SCNN1B: variants seen among roughly 807,000 people sequenced by gnomAD.
SCNN1B encodes the protein epithelial sodium channel subunit beta.
Under a neutral mutation model 65.3 loss-of-function variants are expected in SCNN1B, and 46 were observed. The observed-to-expected ratio is 0.70, with a 90% CI of 0.56 to 0.90. The LOEUF (loss-of-function observed/expected upper bound fraction) is 0.90, where lower values mean the gene tolerates loss of function less well. Among genes scored for constraint, SCNN1B ranks in the 40% least tolerant of loss-of-function variants. The pLI is 0.00. For missense variants in SCNN1B, 751 were observed against 830.5 expected, an observed-to-expected ratio of 0.90 and a Z score of 1.18; for synonymous variants, 349 against 330.6, an observed-to-expected ratio of 1.06 and a Z score of -0.60.
intron 1 of SCNN1B, among the ~76,000 whole-genome samples, chr16:23,320,332 G>T (rs1055885308): frequency 1.3e-5 from 2 of 152,198 alleles, no homozygotes; most frequent in African/African-American, 2.4e-5. Flanking sequence ...AAGCTCTCGG[G>T]TGATGCTGTT....
intron 1 of SCNN1B, among the ~76,000 whole-genome samples, chr16:23,316,777 C>T (rs1181682549): frequency 6.7e-6 from 1 of 149,422 alleles, no homozygotes; most frequent in African/African-American, 2.4e-5. Context: ...CCATCACCAT[C>T]ATCAACACCA....
intron 8 of SCNN1B, among the ~76,000 whole-genome samples, chr16:23,376,704 G>A (rs1274564520): frequency 7.0e-6 from 1 of 143,308 alleles, no homozygotes; most frequent in Non-Finnish European, 1.5e-5. Flanking sequence ...GATGCCAGGA[G>A]TTCGAGACCA....
At chr16:23,300,190 A>G (rs1210487061), upstream of SCNN1B, among the ~76,000 whole-genome samples, 2 of 152,110 alleles carry the variant, frequency 1.3e-5, no homozygotes, top group African/African-American at 2.4e-5. Context: ...AGAGCCTGTC[A>G]GGGGGTGGAG....
At chr16:23,347,909 AAAAAAG>A (rs767103365) in intron 1 of SCNN1B, among the ~76,000 whole-genome samples, 1 of 152,222 alleles carries the variant, frequency 6.6e-6, no homozygotes, top group African/African-American at 2.4e-5. Flanking sequence ...ACCCTATCTG[AAAAAAG>A]AAAAAGAAAA....
At chr16:23,376,913 C>G (rs1038407537) in intron 8 of SCNN1B, among the ~76,000 whole-genome samples, 3 of 152,184 alleles carry the variant, frequency 2.0e-5, no homozygotes, top group African/African-American at 7.2e-5. Context: ...CCCTGTCCAC[C>G]AGGCAGGGAT....
chr16:23,380,042 CTGTT>C lies in SCNN1B; in HGVS notation c.1467-49_1467-46del, dbSNP rs1963006789. On this transcript the variant is annotated intron_variant, in intron 11 of 12. Coordinates refer to ENST00000343070, the MANE Select transcript of SCNN1B (RefSeq NM_000336.3). The surrounding 1 kb of genome is among the most constrained non-coding windows in gnomAD (Gnocchi z 5.4). ...TCTATGTGCGTGTGTGTGTGTCTGT[CTGTT>C]TGGAAGGGGGATACATTAGTCCCGG... The C allele has an allele frequency of 7.4e-7, 1 of 1,350,190 alleles. No homozygotes were observed. The highest frequency in any genetic ancestry group is 1.1e-6 in the Non-Finnish European group (1 of 939,584). The allele number at this position is 1,350,190 out of a possible 1,614,324, so 83.6% of individuals were successfully genotyped here. A position where few individuals can be genotyped will look rare whatever the true frequency, so the allele number is the denominator to read the frequency against.
At chr16:23,337,443 G>A (rs11861931) in intron 1 of SCNN1B, among the ~76,000 whole-genome samples, 14,448 of 144,622 alleles carry the variant, frequency 0.1, 776 homozygotes, top group Middle Eastern at 0.16. Flanking sequence ...GTATGATCTC[G>A]GCTCACTGCA....
chr16:23,355,216 C>A, intron 3 of SCNN1B, 83 bp from the exon 4 acceptor site: 1 of 1,402,184 alleles, frequency 7.1e-7, no homozygotes, highest in East Asian at 2.3e-5. Flanking sequence ...ACAGCTCTTG[C>A]CCTGCTAGGG....
At chr16:23,351,874 C>T (rs184914913) in intron 2 of SCNN1B, among the ~76,000 whole-genome samples, 16 of 151,038 alleles carry the variant, frequency 1.1e-4, no homozygotes, top group African/African-American at 2.2e-4. Context: ...GTTGCTCCCC[C>T]CTGGGAGGGA....
At chr16:23,344,062 G>A (rs1034304086) in intron 1 of SCNN1B, among the ~76,000 whole-genome samples, 3 of 152,204 alleles carry the variant, frequency 2.0e-5, no homozygotes, top group Non-Finnish European at 2.9e-5. Context: ...GCCTACCATT[G>A]TAACAACTTT....
chr16:23,347,484 A>G (rs1962214314), intron 1 of SCNN1B, among the ~76,000 whole-genome samples: 1 of 152,266 alleles, frequency 6.6e-6, no homozygotes, highest in Non-Finnish European at 1.5e-5. Flanking sequence ...CCATAGGCTA[A>G]TTGATATCAA....
At chr16:23,279,073 G>A (rs915969931) in intron 1 of SCNN1B, among the ~76,000 whole-genome samples, 4 of 138,446 alleles carry the variant, frequency 2.9e-5, no homozygotes, top group Admixed American at 6.8e-5. Context: ...TGTGTGTGTG[G>A]GGTGTGTGTG....
intron 8 of SCNN1B, 88 bp from the exon 9 acceptor site, chr16:23,377,077 A>C: frequency 8.5e-7 from 1 of 1,179,772 alleles, no homozygotes; most frequent in Non-Finnish European, 1.2e-6. Context: ...CCAGGAGAGC[A>C]GAGGGGCCAG....
At position 23,310,711 on chromosome 16, in the gene SCNN1B, A is replaced by G. The variant is rs571125166; in HGVS notation, c.-9+8274A>G. On this transcript the variant is annotated intron_variant, in intron 1 of 12. Coordinates refer to ENST00000343070, the MANE Select transcript of SCNN1B (RefSeq NM_000336.3). ...AGAAATGTGTTCTTGCAAATCAAAG[A>G]CCAAATACCCATCCAAAAAGTTAAA... 2.0e-5 allele frequency among the ~76,000 whole-genome samples: 3 copies of G among 152,346 alleles called. No individual in the cohort carries two copies. In the East Asian group the frequency reaches 5.8e-4, roughly 29 times the overall value.
At chr16:23,349,079 T>C (rs535341841) in intron 2 of SCNN1B, among the ~76,000 whole-genome samples, 169 bp downstream of exon 2, 14 of 152,166 alleles carry the variant, frequency 9.2e-5, no homozygotes, top group Admixed American at 7.9e-4. Context: ...TTTTCCTTCC[T>C]TCTTCTTCCC....
At chr16:23,297,941 C>T (rs896499527), upstream of SCNN1B, among the ~76,000 whole-genome samples, 10 of 152,110 alleles carry the variant, frequency 6.6e-5, no homozygotes, top group Non-Finnish European at 1.5e-5. Flanking sequence ...AGAATATTCA[C>T]CTTGTCTTCT....
chr16:23,378,678 C>G (rs1265141882), intron 10 of SCNN1B, 28 bp from the exon 11 acceptor site: 5 of 1,613,540 alleles, frequency 3.1e-6, no homozygotes, highest in Non-Finnish European at 3.4e-6. Context: ...CAGATGGCAA[C>G]TTTTGCAACC....
chr16:23,357,461 T>C (rs956735945), intron 4 of SCNN1B, among the ~76,000 whole-genome samples: 31 of 152,200 alleles, frequency 2.0e-4, no homozygotes. Context: ...TGCACATCTA[T>C]AATCCCAGCT....
intron 2 of SCNN1B, among the ~76,000 whole-genome samples, chr16:23,287,423 A>C (rs1454951696): frequency 2.0e-5 from 3 of 152,126 alleles, no homozygotes; most frequent in Admixed American, 2.0e-4. Context: ...GGAAATGCTA[A>C]TATGAGGAAT....
Sources: allele counts gnomAD v4.1 joint callset (sites outside exome capture counted in the v4.1 genomes callset), GRCh38; gene constraint gnomAD v4.1.1; non-coding constraint Gnocchi (gnomAD v3.1); transcripts MANE v1.5; gene names NCBI Gene and HGNC (gene_info 2026-07-23, HGNC 2026-07-21).